Variants in PCDH15 observed in about 807,000 individuals in gnomAD.
PCDH15 encodes protocadherin-15.
A neutral mutation model predicts 178.5 loss-of-function variants in PCDH15; 129 were observed. That is an observed-to-expected ratio of 0.72 (90% CI 0.63 to 0.84). PCDH15 has a LOEUF of 0.84. PCDH15 is among the 40% of genes least tolerant of loss of function. The pLI, the probability that PCDH15 is intolerant of heterozygous loss-of-function variation, is 0.00. For synonymous variants in PCDH15, 800 were observed against 732.0 expected (o/e 1.09, Z -1.50); for missense variants, 2,230 against 2,099.9 (o/e 1.06, Z -1.21).
At chr10:54,622,694 TA>T (rs2093417223) in intron 2 of PCDH15, among the ~76,000 whole-genome samples, 1 of 81,632 alleles carries the variant, frequency 1.2e-5, no homozygotes, top group Non-Finnish European at 2.2e-5. Flanking sequence ...TTATATAATA[TA>T]TATTTTCTAT....
intron 18 of PCDH15, among the ~76,000 whole-genome samples, chr10:54,028,133 G>A (rs1032004303): frequency 2.0e-5 from 3 of 149,956 alleles, no homozygotes; most frequent in African/African-American, 4.9e-5. Flanking sequence ...CGAAGGACAT[G>A]AACAGACACT....
chr10:55,553,529 TG>T (rs1842037555), intron 2 of PCDH15, among the ~76,000 whole-genome samples: 1 of 151,986 alleles, frequency 6.6e-6, no homozygotes, highest in East Asian at 1.9e-4. Context: ...ATTGTCATTT[TG>T]GCACATTCCT....
intron 2 of PCDH15, among the ~76,000 whole-genome samples, chr10:55,364,090 T>C (rs952679873): frequency 2.6e-5 from 4 of 152,020 alleles, no homozygotes; most frequent in African/African-American, 9.7e-5. Context: ...ACGAAATCTA[T>C]TGGTTTTATA....
intron 2 of PCDH15, among the ~76,000 whole-genome samples, chr10:54,970,409 G>C (rs2131893198): frequency 6.6e-6 from 1 of 152,236 alleles, no homozygotes; most frequent in African/African-American, 2.4e-5. Flanking sequence ...ATCTTGGGGA[G>C]AGCTCAGAAG....
At chr10:54,537,850 C>T (rs1334162192) in intron 2 of PCDH15, among the ~76,000 whole-genome samples, 3 of 151,978 alleles carry the variant, frequency 2.0e-5, no homozygotes, top group East Asian at 1.9e-4. Context: ...TTTTGATTTG[C>T]GTTTCTCTGA....
intron 32 of PCDH15, chr10:53,822,378 G>A: frequency 3.2e-6 from 5 of 1,572,158 alleles, no homozygotes; most frequent in Non-Finnish European, 3.5e-6. Context: ...GATAGAAGGA[G>A]GAGAGGGAGG....
intron 10 of PCDH15, among the ~76,000 whole-genome samples, chr10:54,207,483 A>T (rs987627154): frequency 2.6e-5 from 4 of 151,766 alleles, no homozygotes; most frequent in Non-Finnish European, 5.9e-5. Flanking sequence ...ATTAAACTTA[A>T]CTCATTAAAA....
At chr10:54,066,922 C>T (rs771025888) in intron 17 of PCDH15, 37 bp from the exon 18 acceptor site, 2 of 1,603,544 alleles carry the variant, frequency 1.2e-6, no homozygotes, top group Non-Finnish European at 1.7e-6. Flanking sequence ...GTGAGAGGAG[C>T]TATTTTTACT....
chr10:54,482,608 A>G (rs912035136), intron 3 of PCDH15, among the ~76,000 whole-genome samples: 2 of 151,812 alleles, frequency 1.3e-5, no homozygotes, highest in Non-Finnish European at 2.9e-5. Flanking sequence ...AGAAGGTACC[A>G]GGTACCTTAG....
chr10:54,456,009 T>C (rs1356167767), intron 3 of PCDH15, among the ~76,000 whole-genome samples: 1 of 152,102 alleles, frequency 6.6e-6, no homozygotes, highest in African/African-American at 2.4e-5. Context: ...TCAGAGGATG[T>C]ATGGAAATGC....
At chr10:55,537,984 A>T (rs1407125143) in intron 2 of PCDH15, among the ~76,000 whole-genome samples, 2 of 152,220 alleles carry the variant, frequency 1.3e-5, no homozygotes, top group Admixed American at 6.5e-5. Flanking sequence ...TCACAATGAT[A>T]AAATCACACT....
At position 53,866,446 on chromosome 10, in the gene PCDH15, A is replaced by AATAT. The variant is rs55793083; in HGVS notation, c.3717+192_3717+195dup. On this transcript the variant is annotated intron_variant, in intron 27 of 37. Transcript: ENST00000644397. ...ATAAACACCTTACGGTGTTTTTGTA[A>AATAT]ATATATATATATATATATATATGAA... 0.099 allele frequency among the ~76,000 whole-genome samples: 14,410 copies of AATAT among 145,652 alleles called. 896 individuals are homozygous for AATAT. Among genetic ancestry groups the AATAT allele is most frequent in the African/African-American group, 0.17 (6,848 of 40,120 alleles).
At chr10:55,248,209 C>T (rs1452531318) in intron 1 of PCDH15, among the ~76,000 whole-genome samples, 4 of 151,378 alleles carry the variant, frequency 2.6e-5, no homozygotes, top group East Asian at 3.9e-4. Flanking sequence ...TATATATATA[C>T]ACACACAAAT....
chr10:54,751,751 A>C (rs987701987), intron 1 of PCDH15, among the ~76,000 whole-genome samples: 3 of 152,178 alleles, frequency 2.0e-5, no homozygotes, highest in African/African-American at 7.2e-5. Context: ...TAAAGGATGA[A>C]AGATACTAAT....
chr10:54,168,652 G>A (rs886583146), intron 13 of PCDH15, among the ~76,000 whole-genome samples: 2 of 152,098 alleles, frequency 1.3e-5, no homozygotes, highest in Non-Finnish European at 2.9e-5. Context: ...TCCCAAATCA[G>A]ATAGCGTTTA....
intron 2 of PCDH15, among the ~76,000 whole-genome samples, chr10:54,535,709 C>CAAAA (rs71010382): frequency 0.012 from 476 of 41,178 alleles, 1 homozygote; most frequent in East Asian, 0.017. Flanking sequence ...GACTCCACCT[C>CAAAA]AAAAAAAAAA....
intron 8 of PCDH15, among the ~76,000 whole-genome samples, chr10:54,243,635 A>G (rs2055635813): frequency 6.6e-6 from 1 of 152,226 alleles, no homozygotes; most frequent in Non-Finnish European, 1.5e-5. Flanking sequence ...AACATAGAGA[A>G]TTAGAACAAA....
At chr10:54,026,125 G>A (rs1162440746) in intron 18 of PCDH15, among the ~76,000 whole-genome samples, 2 of 150,830 alleles carry the variant, frequency 1.3e-5, no homozygotes, top group African/African-American at 4.9e-5. Flanking sequence ...CTGGTGTGCA[G>A]TGGTGTGATC....
At chr10:54,666,181 TAA>T (rs60294255) in intron 1 of PCDH15, among the ~76,000 whole-genome samples, 132,979 of 152,098 alleles carry the variant, frequency 0.87, 58,802 homozygotes, top group Middle Eastern at 0.93. Context: ...CCCTAAAGCT[TAA>T]TATAAAAGAC....
Sources: allele counts gnomAD v4.1 joint callset (sites outside exome capture counted in the v4.1 genomes callset), GRCh38; gene constraint gnomAD v4.1.1; transcripts MANE v1.5; gene names NCBI Gene and HGNC (gene_info 2026-07-23, HGNC 2026-07-21).